The following CADPS2 variants were observed in gnomAD, a reference collection of about 807,000 sequenced individuals.
CADPS2 encodes calcium dependent secretion activator 2, also known as calcium-dependent secretion activator 2.
CADPS2 carries 93 observed loss-of-function variants against 172.5 expected under a neutral mutation model. The observed-to-expected ratio is 0.54, with a 90% CI of 0.46 to 0.64. The LOEUF (loss-of-function observed/expected upper bound fraction) is 0.64. Among genes scored for constraint, CADPS2 ranks in the 30% least tolerant of loss-of-function variants. The probability of loss-of-function intolerance (pLI) is 0.00; values close to 1 mark genes in which losing one functional copy is unlikely to be tolerated. For missense variants in CADPS2, 1,420 were observed against 1,565.9 expected, an observed-to-expected ratio of 0.91 and a Z score of 1.57; for synonymous variants, 546 against 555.2, an observed-to-expected ratio of 0.98 and a Z score of 0.23.
chr7:122,795,100 G>A lies in CADPS2; in HGVS notation c.340-58032C>T, dbSNP rs553259449. ...CAAACAAATCCCAAAGCTAGCAGAA[G>A]ACAATAAATAACTAAAATCAGATCT... is the stretch of plus-strand genomic sequence containing the variant. On this transcript the variant is annotated intron_variant, in intron 1 of 29. Transcript: ENST00000449022. Among the ~76,000 whole-genome samples, 422 of 151,006 alleles carry A rather than the reference G, an allele frequency of 2.8e-3. 2 individuals are homozygous for A. The highest frequency in any genetic ancestry group is 0.024 in the Middle Eastern group (7 of 294).
chr7:122,725,426 G>A (rs932756645), intron 2 of CADPS2, among the ~76,000 whole-genome samples: 4 of 151,728 alleles, frequency 2.6e-5, no homozygotes, highest in Non-Finnish European at 5.9e-5. Context: ...TTGATTTAGG[G>A]GGTATAAGTG....
intron 1 of CADPS2, among the ~76,000 whole-genome samples, chr7:122,878,861 T>C (rs571329421): frequency 1.3e-5 from 2 of 152,244 alleles, no homozygotes; most frequent in East Asian, 1.9e-4. Context: ...ATTCACATAA[T>C]AGGGACTCAA....
chr7:122,357,965 T>C (rs1389448718), intron 27 of CADPS2, among the ~76,000 whole-genome samples: 2 of 152,284 alleles, frequency 1.3e-5, no homozygotes, highest in South Asian at 2.1e-4. Context: ...GGGGTGGACA[T>C]ATGTTTCAAA....
intron 13 of CADPS2, among the ~76,000 whole-genome samples, chr7:122,473,145 G>A (rs1338684129): frequency 6.6e-6 from 1 of 152,152 alleles, no homozygotes; most frequent in Non-Finnish European, 1.5e-5. Context: ...AAATGGAGTT[G>A]TAAATACACA....
At chr7:122,411,363 G>A (rs969512310) in intron 19 of CADPS2, among the ~76,000 whole-genome samples, 10 of 151,732 alleles carry the variant, frequency 6.6e-5, no homozygotes, top group East Asian at 1.9e-4. Flanking sequence ...TGGGATTACA[G>A]GTGCCCACCA....
At position 122,705,511 on chromosome 7, in the gene CADPS2, C is replaced by G. The variant is rs4727946; in HGVS notation, c.453+31444G>C. ...ATATATTATCTATATTATATATTAT[C>G]TATATTTATATTGTGTATTATCTAT... On this transcript the variant is annotated intron_variant, in intron 2 of 29. Coordinates refer to ENST00000449022, the MANE Select transcript of CADPS2 (RefSeq NM_017954.11). Among the ~76,000 whole-genome samples the G allele has an allele frequency of 2.2e-5, 2 of 90,996 alleles. 1 individual carries two copies. Among genetic ancestry groups the G allele is most frequent in the Admixed American group, 2.7e-4 (2 of 7,286 alleles). 59.7% of individuals were successfully genotyped at this position (90,996 alleles called of 152,430 possible). A position where few individuals can be genotyped will look rare whatever the true frequency, so the allele number is the denominator to read the frequency against.
At chr7:122,322,578 T>C (rs899002634) in intron 29 of CADPS2, among the ~76,000 whole-genome samples, 2 of 152,356 alleles carry the variant, frequency 1.3e-5, no homozygotes, top group Non-Finnish European at 2.9e-5. Context: ...AGGTGATTTA[T>C]GTTAACTGCA....
At chr7:122,778,092 T>A (rs899656727) in intron 1 of CADPS2, among the ~76,000 whole-genome samples, 2 of 152,138 alleles carry the variant, frequency 1.3e-5, no homozygotes, top group Non-Finnish European at 2.9e-5. Flanking sequence ...AGAGACTTGT[T>A]GAATGGCTTT....
chr7:122,404,772 AC>A lies in CADPS2; in HGVS notation c.2746+2767del, dbSNP rs1389310075. ...CTCATTTTAAAATAACCCCCAAAAT[AC>A]ATCTAAGTATGTTTGATTCTTGAGT... On this transcript the variant is annotated intron_variant, in intron 20 of 29. Transcript: ENST00000449022. 7.2e-5 allele frequency among the ~76,000 whole-genome samples: 11 copies of A among 152,306 alleles called. No homozygotes were observed. In the East Asian group the frequency reaches 1.7e-3, roughly 24 times the overall value.
chr7:122,395,801 A>AT (rs924490148), intron 20 of CADPS2, among the ~76,000 whole-genome samples: 22 of 144,266 alleles, frequency 1.5e-4, no homozygotes, highest in East Asian at 6.1e-4. Flanking sequence ...ACGAGGGAGG[A>AT]TTTTTTTTTT....
intron 7 of CADPS2, among the ~76,000 whole-genome samples, chr7:122,573,739 G>A (rs918760460): frequency 6.6e-6 from 1 of 152,024 alleles, no homozygotes; most frequent in African/African-American, 2.4e-5. Context: ...AAATAAAAGT[G>A]CACTGGCAGC....
intron 24 of CADPS2, chr7:122,386,420 C>A: frequency 1.7e-6 from 1 of 583,176 alleles, no homozygotes; most frequent in Non-Finnish European, 2.8e-6. Flanking sequence ...ACAAAATCAA[C>A]TTAAAACAGA....
intron 25 of CADPS2, among the ~76,000 whole-genome samples, chr7:122,369,280 G>A (rs532526975): frequency 7.9e-5 from 12 of 151,760 alleles, no homozygotes; most frequent in Admixed American, 2.6e-4. Context: ...ACATGTGCCC[G>A]CCACCATGCC....
intron 15 of CADPS2, among the ~76,000 whole-genome samples, chr7:122,447,543 A>AT (rs1159112244): frequency 0.11 from 10,078 of 89,084 alleles, 1,606 homozygotes; most frequent in Non-Finnish European, 0.14. Flanking sequence ...GTTTCGGGGA[A>AT]TTTTTTTTTT....
chr7:122,608,213 T>TA (rs59329850), intron 6 of CADPS2, among the ~76,000 whole-genome samples: 29,551 of 140,580 alleles, frequency 0.21, 4,251 homozygotes, highest in African/African-American at 0.42. Flanking sequence ...AGACTCCGTC[T>TA]AAAAAAAAAA....
intron 3 of CADPS2, among the ~76,000 whole-genome samples, chr7:122,634,040 T>C (rs144469640): frequency 3.9e-5 from 6 of 152,336 alleles, no homozygotes; most frequent in Non-Finnish European, 2.9e-5. Context: ...TACTGCTTGA[T>C]TGCTGTGAAT....
intron 1 of CADPS2, among the ~76,000 whole-genome samples, chr7:122,842,784 G>A (rs185740524): frequency 6.6e-6 from 1 of 152,168 alleles, no homozygotes; most frequent in East Asian, 1.9e-4. Context: ...ATAGCTAGAA[G>A]GTGTAAAGGA....
chr7:122,447,623 G>A (rs576829750), intron 15 of CADPS2, among the ~76,000 whole-genome samples: 1 of 137,008 alleles, frequency 7.3e-6, no homozygotes, highest in Non-Finnish European at 1.5e-5. Context: ...AGGCGATCTC[G>A]GCTCACTGCA....
intron 12 of CADPS2, among the ~76,000 whole-genome samples, chr7:122,475,437 C>T (rs1048135115): frequency 6.6e-6 from 1 of 152,144 alleles, no homozygotes; most frequent in Non-Finnish European, 1.5e-5. Context: ...AGATCTCTTT[C>T]TGGTCATCAT....
Sources: gnomAD v4.1 joint callset for allele counts (sites outside exome capture counted in the v4.1 genomes callset) on GRCh38, gnomAD v4.1.1 for gene constraint, MANE v1.5 for transcripts, NCBI Gene and HGNC (gene_info 2026-07-23, HGNC 2026-07-21) for gene names.